The following DPP10 variants were observed in gnomAD, a reference collection of about 807,000 sequenced individuals.
The protein encoded by DPP10 is inactive dipeptidyl peptidase 10.
A neutral mutation model predicts 120.9 loss-of-function variants in DPP10; 33 were observed. The observed-to-expected ratio is 0.27, with a 90% CI of 0.21 to 0.37. The LOEUF (loss-of-function observed/expected upper bound fraction) is 0.37, where lower values mean the gene tolerates loss of function less well. Among genes scored for constraint, DPP10 ranks in the 10% least tolerant of loss-of-function variants. The pLI is 1.00. For missense variants in DPP10, 816 were observed against 942.8 expected, an observed-to-expected ratio of 0.87 and a Z score of 1.76; for synonymous variants, 337 against 326.1, an observed-to-expected ratio of 1.03 and a Z score of -0.36.
At chr2:114,534,706 C>CT (rs36111101) in intron 1 of DPP10, among the ~76,000 whole-genome samples, 54,742 of 148,812 alleles carry the variant, frequency 0.37, 9,976 homozygotes, top group Non-Finnish European at 0.4. Context: ...TTGCTTTTTA[C>CT]TTTTTTTTTT....
intron 3 of DPP10, among the ~76,000 whole-genome samples, chr2:115,466,167 T>G (rs2105120081): frequency 6.6e-6 from 1 of 152,210 alleles, no homozygotes; most frequent in South Asian, 2.1e-4. Context: ...CTTTAGAAAC[T>G]TATGTGGAAA....
intron 1 of DPP10, among the ~76,000 whole-genome samples, chr2:115,076,192 A>T (rs534518941): frequency 3.3e-5 from 5 of 152,158 alleles, no homozygotes; most frequent in Non-Finnish European, 7.4e-5. Flanking sequence ...AAAATATTAT[A>T]AAAAGTATTA....
chr2:114,879,357 A>ATCATC (rs1691419685), intron 1 of DPP10, among the ~76,000 whole-genome samples: 1 of 152,076 alleles, frequency 6.6e-6, no homozygotes, highest in African/African-American at 2.4e-5. Flanking sequence ...CACTCCTATT[A>ATCATC]TCATCTCATG....
At chr2:114,479,206 T>G (rs1680786566) in intron 1 of DPP10, among the ~76,000 whole-genome samples, 1 of 152,180 alleles carries the variant, frequency 6.6e-6, no homozygotes, top group Admixed American at 6.5e-5. Flanking sequence ...ATTCCCAAGT[T>G]TCTGTTTTGT....
intron 2 of DPP10, among the ~76,000 whole-genome samples, chr2:115,322,099 A>T (rs2106109267): frequency 6.6e-6 from 1 of 152,082 alleles, no homozygotes; most frequent in Non-Finnish European, 1.5e-5. Context: ...ATTTCTTTGG[A>T]TGCTTTACAA....
intron 5 of DPP10, among the ~76,000 whole-genome samples, chr2:115,607,224 C>T (rs1056572628): frequency 1.3e-5 from 2 of 152,006 alleles, no homozygotes; most frequent in Non-Finnish European, 2.9e-5. Flanking sequence ...TTGGCAAAGG[C>T]ATAACTATGA....
chr2:114,859,794 A>C (rs1689668701), intron 1 of DPP10, among the ~76,000 whole-genome samples: 1 of 152,154 alleles, frequency 6.6e-6, no homozygotes, highest in African/African-American at 2.4e-5. Context: ...GACATAACCT[A>C]ATAGATATTT....
At position 115,626,621 on chromosome 2, in the gene DPP10, G is replaced by T. The variant is rs182130575; in HGVS notation, c.442-63066G>T. On this transcript the variant is annotated intron_variant, in intron 5 of 25. Transcript: ENST00000410059. ...GTATATATTGTATGAAAGAATTAGT[G>T]AGTAAATGCATTAGCATGGTTGGAA... Among the ~76,000 whole-genome samples, 21 of 152,226 alleles carry T rather than the reference G, an allele frequency of 1.4e-4. 1 individual carries two copies. The East Asian group carries it at 4.1e-3, about 29-fold the overall frequency.
chr2:115,333,033 T>C (rs2062855511), intron 2 of DPP10, among the ~76,000 whole-genome samples: 2 of 152,158 alleles, frequency 1.3e-5, no homozygotes, highest in African/African-American at 4.8e-5. Flanking sequence ...TGTTAAAGTT[T>C]CCCATTAATA....
At chr2:115,770,639 AT>A (rs948003782) in intron 13 of DPP10, among the ~76,000 whole-genome samples, 17 of 152,184 alleles carry the variant, frequency 1.1e-4, no homozygotes, top group African/African-American at 4.1e-4. Context: ...CACATATGTT[AT>A]TTTAGGAAAT....
Position 115,482,650 on chromosome 2 carries a change from T to C in DPP10, c.272-16860T>C, listed in dbSNP as rs200564092. ...CCATATGCAGCTCTTTATGACTGTCTTCTTTCAGTTACATTCATATTTTTA... is the reference window on the plus strand; with the variant it reads ...CCATATGCAGCTCTTTATGACTGTCCTCTTTCAGTTACATTCATATTTTTA... On this transcript the variant is annotated intron_variant, in intron 3 of 25. Coordinates refer to ENST00000410059, the MANE Select transcript of DPP10 (RefSeq NM_020868.6). Among the ~76,000 whole-genome samples, 10 of 152,164 alleles carry C rather than the reference T, an allele frequency of 6.6e-5. No individual in the cohort carries two copies. The East Asian group carries it at 1.7e-3, about 26-fold the overall frequency.
chr2:114,658,318 T>C (rs531470675), intron 1 of DPP10, among the ~76,000 whole-genome samples: 4 of 152,326 alleles, frequency 2.6e-5, no homozygotes, highest in Non-Finnish European at 4.4e-5. Context: ...TCCAGCAGGC[T>C]GACAAATTGG....
intron 1 of DPP10, among the ~76,000 whole-genome samples, chr2:115,026,347 C>T (rs1703457777): frequency 6.6e-6 from 1 of 151,814 alleles, no homozygotes; most frequent in Non-Finnish European, 1.5e-5. Context: ...GATTTATATC[C>T]AGTTTCCTTA....
At chr2:114,470,616 T>C (rs1273314911) in intron 1 of DPP10, among the ~76,000 whole-genome samples, 1 of 152,224 alleles carries the variant, frequency 6.6e-6, no homozygotes, top group Non-Finnish European at 1.5e-5. Context: ...TGAACTGGTG[T>C]CCATTTGCTT....
intron 1 of DPP10, among the ~76,000 whole-genome samples, chr2:114,573,717 G>A (rs976470935): frequency 1.3e-5 from 2 of 152,134 alleles, no homozygotes; most frequent in African/African-American, 4.8e-5. Flanking sequence ...GCACTACCCT[G>A]GGGAGAAAAC....
intron 1 of DPP10, among the ~76,000 whole-genome samples, chr2:114,476,964 TC>T (rs1680433896): frequency 3.3e-5 from 5 of 150,314 alleles, no homozygotes; most frequent in African/African-American, 1.2e-4. Flanking sequence ...AAAAATTGAT[TC>T]TTTTTTTTTT....
chr2:115,555,368 A>C (rs1305782359), intron 5 of DPP10, among the ~76,000 whole-genome samples: 1 of 152,012 alleles, frequency 6.6e-6, no homozygotes, highest in Non-Finnish European at 1.5e-5. Context: ...GAAGTGAAAA[A>C]CCTAACGGAG....
intron 21 of DPP10, among the ~76,000 whole-genome samples, chr2:115,821,236 TCC>T (rs1287023074): frequency 3.3e-5 from 5 of 152,198 alleles, no homozygotes; most frequent in African/African-American, 1.2e-4. Context: ...CATCAATTTC[TCC>T]TTATTAATTT....
At chr2:115,313,720 A>C (rs571845588) in intron 2 of DPP10, among the ~76,000 whole-genome samples, 3 of 152,338 alleles carry the variant, frequency 2.0e-5, no homozygotes, top group Non-Finnish European at 4.4e-5. Context: ...TTAATTTCTA[A>C]AATTATCAGA....
Sources: allele counts gnomAD v4.1 joint callset (sites outside exome capture counted in the v4.1 genomes callset), GRCh38; gene constraint gnomAD v4.1.1; transcripts MANE v1.5; gene names NCBI Gene and HGNC (gene_info 2026-07-23, HGNC 2026-07-21).